RYR3: variants seen among roughly 807,000 people sequenced by gnomAD.
RYR3 encodes brain ryanodine receptor-calcium release channel.
RYR3 carries 207 observed loss-of-function variants against 584.3 expected under a neutral mutation model. That is an observed-to-expected ratio of 0.35 (90% CI 0.32 to 0.40). The LOEUF (loss-of-function observed/expected upper bound fraction) is 0.40, where lower values mean the gene tolerates loss of function less well. Among genes scored for constraint, RYR3 ranks in the 10% least tolerant of loss-of-function variants. The pLI, the probability that RYR3 is intolerant of heterozygous loss-of-function variation, is 1.00. For missense variants in RYR3, 5,616 were observed against 6,089.2 expected, an observed-to-expected ratio of 0.92 and a Z score of 2.59; for synonymous variants, 2,416 against 2,248.5, an observed-to-expected ratio of 1.07 and a Z score of -2.11.
At position 33,775,214 on chromosome 15, in the gene RYR3, C is replaced by T. The variant is rs76131739; in HGVS notation, c.9137+1599C>T. On this transcript the variant is annotated intron_variant, in intron 64 of 103. Transcript: ENST00000634891. Reference sequence around the variant, plus strand: ...GTAGAAGTCAAGGCTTGGAGAAGCCCCTAGGTTAAGGCTGTCCCTATTGCT... The same window carrying T: ...GTAGAAGTCAAGGCTTGGAGAAGCCTCTAGGTTAAGGCTGTCCCTATTGCT... 1.1e-4 allele frequency among the ~76,000 whole-genome samples: 17 copies of T among 152,200 alleles called. No individual in the cohort carries two copies. The East Asian group carries it at 2.9e-3, about 26-fold the overall frequency.
At position 33,820,744 on chromosome 15, in the gene RYR3, C is replaced by A. The variant is rs1490958812; in HGVS notation, c.10759-12C>A. ...TGTCTGTCTTCTCCCTTCCCTGCTC[C>A]ATGAAATCCAGAGTTGTCAAAGTGG... On this transcript the variant is annotated splice_polypyrimidine_tract_variant and intron_variant, in intron 77 of 103. Transcript: ENST00000634891. The A allele has an allele frequency of 1.2e-6, 2 of 1,602,456 alleles. No individual in the cohort carries two copies. The highest frequency in any genetic ancestry group is 2.2e-5 in the East Asian group (1 of 44,702).
Position 33,530,572 on chromosome 15 carries a change from A to T in RYR3, c.280-20A>T, listed in dbSNP as rs377531491. On this transcript the variant is annotated intron_variant, in intron 3 of 103. Coordinates refer to ENST00000634891, the MANE Select transcript of RYR3 (RefSeq NM_001036.6). ...GCCACAACGGGCATGTGCTGACCTT[A>T]TTCTTCCTCATTCCCACAGGCAGCA... 1.9e-6 allele frequency: 3 copies of T among 1,592,444 alleles called. No individual in the cohort carries two copies. The highest frequency in any genetic ancestry group is 2.6e-6 in the Non-Finnish European group (3 of 1,160,882).
intron 3 of RYR3, among the ~76,000 whole-genome samples, chr15:33,511,969 G>A (rs2053066056): frequency 6.6e-6 from 1 of 152,066 alleles, no homozygotes; most frequent in Non-Finnish European, 1.5e-5. Context: ...TAGTAGAGAC[G>A]GGGTTTCACC....
intron 6 of RYR3, 145 bp from the exon 7 acceptor site, chr15:33,540,646 G>A: frequency 1.7e-6 from 1 of 592,688 alleles, no homozygotes; most frequent in Non-Finnish European, 3.0e-6. Flanking sequence ...TTCTAGATCA[G>A]GTGGAGAAAT....
chr15:33,654,780 C>T (rs2062726463), intron 32 of RYR3, among the ~76,000 whole-genome samples: 1 of 152,186 alleles, frequency 6.6e-6, no homozygotes, highest in African/African-American at 2.4e-5. Context: ...CACCAGTTTA[C>T]CTAACTATAG....
intron 43 of RYR3, among the ~76,000 whole-genome samples, chr15:33,713,831 G>A (rs1050747052): frequency 6.6e-6 from 1 of 152,164 alleles, no homozygotes; most frequent in Non-Finnish European, 1.5e-5. Flanking sequence ...GAAGAGGCAA[G>A]GCAGCTCTCT....
intron 3 of RYR3, among the ~76,000 whole-genome samples, chr15:33,523,210 T>A (rs979650720): frequency 7.2e-5 from 11 of 152,156 alleles, no homozygotes; most frequent in Non-Finnish European, 1.0e-4. Context: ...CAGCAGGATG[T>A]GGGCAGGGCC....
chr15:33,593,173 A>G (rs1294932686), intron 16 of RYR3, among the ~76,000 whole-genome samples: 1 of 152,258 alleles, frequency 6.6e-6, no homozygotes, highest in Admixed American at 6.5e-5. Context: ...CTAGAATGGG[A>G]GGCAGGTTTG....
At chr15:33,559,539 G>A (rs1045156541) in intron 10 of RYR3, among the ~76,000 whole-genome samples, 1 of 152,190 alleles carries the variant, frequency 6.6e-6, no homozygotes, top group Non-Finnish European at 1.5e-5. Context: ...GTTAAGGCAA[G>A]GCAAGGCTGG....
intron 1 of RYR3, among the ~76,000 whole-genome samples, chr15:33,440,445 G>A (rs964877412): frequency 6.6e-6 from 1 of 152,154 alleles, no homozygotes; most frequent in Admixed American, 6.5e-5. Flanking sequence ...TTCCAACCAG[G>A]TGTGATTATG....
chr15:33,591,356 T>C (rs980253409), intron 16 of RYR3, among the ~76,000 whole-genome samples: 3 of 152,232 alleles, frequency 2.0e-5, no homozygotes, highest in Admixed American at 6.5e-5. Flanking sequence ...CTCTTACATC[T>C]GTAAGTTCCT....
intron 47 of RYR3, 87 bp downstream of exon 47, chr15:33,729,113 C>T (rs2068715342): frequency 2.7e-6 from 3 of 1,105,734 alleles, no homozygotes; most frequent in Non-Finnish European, 3.9e-6. Context: ...TTTCTCTTTA[C>T]TCACCAATTA....
chr15:33,596,582 T>A (rs542468069), intron 16 of RYR3, among the ~76,000 whole-genome samples: 1 of 152,132 alleles, frequency 6.6e-6, no homozygotes, highest in African/African-American at 2.4e-5. Flanking sequence ...TACATAGTGA[T>A]GTTGTGATAC....
intron 3 of RYR3, among the ~76,000 whole-genome samples, chr15:33,521,749 T>C (rs1485375079): frequency 6.6e-6 from 1 of 152,162 alleles, no homozygotes; most frequent in East Asian, 1.9e-4. Flanking sequence ...ACAGAGTGAC[T>C]GCCATAGGTC....
In RYR3 at chr15:33,810,560, G is replaced by T; in HGVS notation, c.10108G>T (p.Ala3370Ser). ...CATCCAGACCTCCCTCATCGTGGCTGCACTCAAGAAAATGCTGCCCATTGG... is the reference window on the plus strand; with the variant it reads ...CATCCAGACCTCCCTCATCGTGGCTTCACTCAAGAAAATGCTGCCCATTGG... ...YSIQTSLIVA[A>S]LKKMLPIGLN... is the part of the protein sequence containing the mutation. The change falls in exon 71 of 104, where the codon GCA becomes TCA. Residue 3370 changes from alanine to serine, a missense_variant. Ala to Ser is a moderately conservative substitution (Grantham distance 99, BLOSUM62 1). Around this residue, in one of 9 missense-constraint regions of RYR3, gnomAD observed 954 missense variants for 1,132.2 expected, o/e 0.84. Transcript: ENST00000634891. 2.5e-6 allele frequency: 4 copies of T among 1,614,014 alleles called. No homozygotes were observed. The highest frequency in any genetic ancestry group is 3.4e-6 in the Non-Finnish European group (4 of 1,179,898).
intron 1 of RYR3, among the ~76,000 whole-genome samples, chr15:33,318,532 T>C (rs1968516149): frequency 6.6e-6 from 1 of 152,310 alleles, no homozygotes; most frequent in East Asian, 1.9e-4. Flanking sequence ...CATGAGGGCA[T>C]TGCTGAGAGG....
At chr15:33,756,401 ACTTT>A in intron 59 of RYR3, 28 bp downstream of exon 59, 1 of 1,499,036 alleles carries the variant, frequency 6.7e-7, no homozygotes, top group South Asian at 1.2e-5. Context: ...TAATCAAATT[ACTTT>A]CTTCTTAGGA....
intron 1 of RYR3, among the ~76,000 whole-genome samples, chr15:33,449,152 C>G (rs896031949): frequency 6.6e-6 from 1 of 152,178 alleles, no homozygotes; most frequent in African/African-American, 2.4e-5. Flanking sequence ...GCTGCAGCCT[C>G]TGGCTCTGGT....
chr15:33,441,578 T>A (rs761294835), intron 1 of RYR3, among the ~76,000 whole-genome samples: 7 of 152,100 alleles, frequency 4.6e-5, no homozygotes, highest in Non-Finnish European at 7.4e-5. Context: ...TTATTCTTGT[T>A]TCAGGGTCTA....
Sources: gnomAD v4.1 joint callset for allele counts (sites outside exome capture counted in the v4.1 genomes callset) on GRCh38, gnomAD v4.1.1 for gene constraint, gnomAD v4.1.1 regional missense constraint, MANE v1.5 for transcripts, NCBI Gene and HGNC (gene_info 2026-07-23, HGNC 2026-07-21) for gene names.